TOM1L2: variants seen among roughly 807,000 people sequenced by gnomAD.
TOM1L2 encodes the protein TOM1-like protein 2.
In TOM1L2, 31 loss-of-function variants were observed where a neutral mutation model predicts 67.9. That is an observed-to-expected ratio of 0.46 (90% CI 0.34 to 0.62). The LOEUF (loss-of-function observed/expected upper bound fraction) is 0.62. TOM1L2 is among the 20% of genes least tolerant of loss of function. TOM1L2 has a pLI of 0.01. For missense variants in TOM1L2, 606 were observed against 663.5 expected, an observed-to-expected ratio of 0.91 and a Z score of 0.95; for synonymous variants, 256 against 254.0, an observed-to-expected ratio of 1.01 and a Z score of -0.07.
chr17:17,970,408 T>C (rs1476029445), intron 1 of TOM1L2, among the ~76,000 whole-genome samples: 2 of 152,170 alleles, frequency 1.3e-5, no homozygotes, highest in Non-Finnish European at 2.9e-5. Flanking sequence ...CCTCATTTAC[T>C]ACCTTGTCAT....
chr17:17,915,571 A>T (rs2039592621), intron 1 of TOM1L2, among the ~76,000 whole-genome samples: 1 of 151,936 alleles, frequency 6.6e-6, no homozygotes. Context: ...GCAGTGGCCC[A>T]ATCATAGCAG....
intron 7 of TOM1L2, among the ~76,000 whole-genome samples, chr17:17,877,875 T>C (rs2037500474): frequency 1.3e-5 from 2 of 150,874 alleles, no homozygotes; most frequent in Non-Finnish European, 3.0e-5. Flanking sequence ...GATGGGCTTG[T>C]TTAAAAAAAA....
intron 12 of TOM1L2, among the ~76,000 whole-genome samples, chr17:17,856,120 A>G (rs1285813642): frequency 6.6e-6 from 1 of 152,242 alleles, no homozygotes; most frequent in Non-Finnish European, 1.5e-5. Context: ...CCAGCTGCCA[A>G]GGCCACCCTC....
At chr17:17,847,854 TC>T in intron 14 of TOM1L2, 71 bp from the exon 15 acceptor site, 2 of 1,601,986 alleles carry the variant, frequency 1.2e-6, no homozygotes, top group Non-Finnish European at 1.7e-6. Flanking sequence ...ACCCTTCCAC[TC>T]CCCAGCCCGT....
chr17:17,959,183 T>C (rs930101356), intron 1 of TOM1L2, among the ~76,000 whole-genome samples: 1 of 152,176 alleles, frequency 6.6e-6, no homozygotes, highest in Non-Finnish European at 1.5e-5. Flanking sequence ...CCCCAATTTA[T>C]AGCCGGTCAT....
intron 1 of TOM1L2, among the ~76,000 whole-genome samples, chr17:17,930,035 G>A (rs554426431): frequency 2.6e-5 from 4 of 152,280 alleles, no homozygotes; most frequent in Admixed American, 2.6e-4. Flanking sequence ...GCACACACAG[G>A]AAGGCAAGAG....
intron 1 of TOM1L2, among the ~76,000 whole-genome samples, chr17:17,912,265 C>T (rs1274203575): frequency 2.7e-5 from 4 of 149,666 alleles, no homozygotes; most frequent in Admixed American, 6.6e-5. Context: ...CCGGACGGGG[C>T]GGCTGGCCGG....
chr17:17,939,376 T>TA (rs562919399), intron 1 of TOM1L2, among the ~76,000 whole-genome samples: 114 of 152,332 alleles, frequency 7.5e-4, no homozygotes, highest in African/African-American at 2.7e-3. Context: ...TATTCAGTCT[T>TA]AAAAAATATA....
intron 1 of TOM1L2, among the ~76,000 whole-genome samples, chr17:17,966,495 C>T (rs999232722): frequency 5.9e-5 from 9 of 152,326 alleles, no homozygotes; most frequent in African/African-American, 2.2e-4. Context: ...GAGAACTTGA[C>T]AGAAATGTAG....
At chr17:17,870,432 A>G (rs2037093199) in intron 7 of TOM1L2, among the ~76,000 whole-genome samples, 1 of 152,128 alleles carries the variant, frequency 6.6e-6, no homozygotes, top group Admixed American at 6.5e-5. Context: ...CAGAGGAGGG[A>G]GCTGGCAACA....
At chr17:17,953,778 G>A (rs879163791) in intron 1 of TOM1L2, among the ~76,000 whole-genome samples, 1 of 152,208 alleles carries the variant, frequency 6.6e-6, no homozygotes, top group South Asian at 2.1e-4. Context: ...CACAACACAG[G>A]TAAAAATGCC....
intron 1 of TOM1L2, among the ~76,000 whole-genome samples, chr17:17,968,870 C>T (rs1216011216): frequency 1.3e-5 from 2 of 152,026 alleles, no homozygotes; most frequent in African/African-American, 4.8e-5. Flanking sequence ...TGCAGAGTTC[C>T]TACCCATCCT....
At chr17:17,914,238 C>T (rs1266561740) in intron 1 of TOM1L2, among the ~76,000 whole-genome samples, 1 of 152,214 alleles carries the variant, frequency 6.6e-6, no homozygotes, top group Non-Finnish European at 1.5e-5. Context: ...TCCCAGCACA[C>T]CTGGGGCTCA....
At chr17:17,873,054 T>A (rs964319923) in intron 7 of TOM1L2, among the ~76,000 whole-genome samples, 1 of 152,224 alleles carries the variant, frequency 6.6e-6, no homozygotes, top group African/African-American at 2.4e-5. Context: ...AGAATATAGG[T>A]GGCCTCAGGC....
chr17:17,938,461 T>A (rs188536712), intron 1 of TOM1L2, among the ~76,000 whole-genome samples: 5 of 152,114 alleles, frequency 3.3e-5, no homozygotes, highest in African/African-American at 9.7e-5. Flanking sequence ...CTGACTAGGA[T>A]GTTCTATATA....
At chr17:17,938,481 T>C (rs952903666) in intron 1 of TOM1L2, among the ~76,000 whole-genome samples, 2 of 152,078 alleles carry the variant, frequency 1.3e-5, no homozygotes, top group African/African-American at 4.8e-5. Flanking sequence ...AATAAATGAC[T>C]ACCAGGAGAG....
At chr17:17,917,563 A>G (rs187308465) in intron 1 of TOM1L2, among the ~76,000 whole-genome samples, 28 of 141,112 alleles carry the variant, frequency 2.0e-4, no homozygotes, top group African/African-American at 7.4e-4. Flanking sequence ...CCTTCCAAGT[A>G]GCTGGGAATA....
chr17:17,883,340 C>T (rs1163032150), intron 5 of TOM1L2, among the ~76,000 whole-genome samples: 4 of 152,236 alleles, frequency 2.6e-5, no homozygotes, highest in Admixed American at 6.5e-5. Flanking sequence ...AACAACAACA[C>T]TGCTCTCTGT....
chr17:17,917,655 G>A (rs1001079998), intron 1 of TOM1L2, among the ~76,000 whole-genome samples: 1 of 137,828 alleles, frequency 7.3e-6, no homozygotes, highest in African/African-American at 2.9e-5. Context: ...GGGTAGTGTT[G>A]TCATCTTAAA....
Sources: allele counts gnomAD v4.1 joint callset (sites outside exome capture counted in the v4.1 genomes callset), GRCh38; gene constraint gnomAD v4.1.1; transcripts MANE v1.5; gene names NCBI Gene and HGNC (gene_info 2026-07-23, HGNC 2026-07-21).